Variants in LINGO2 observed in about 807,000 individuals in gnomAD.
LINGO2 encodes the protein leucine rich repeat and Ig domain containing 2, also known as leucine-rich repeat and immunoglobulin-like domain-containing nogo receptor-interacting protein 2.
In LINGO2, 14 loss-of-function variants were observed where a neutral mutation model predicts 30.6. That is an observed-to-expected ratio of 0.46 (90% CI 0.30 to 0.72). LINGO2 has a LOEUF of 0.72. LINGO2 is among the 30% of genes least tolerant of loss of function. LINGO2 has a pLI of 0.07. For missense variants in LINGO2, 729 were observed against 751.7 expected, an observed-to-expected ratio of 0.97 and a Z score of 0.35; for synonymous variants, 317 against 288.5, an observed-to-expected ratio of 1.10 and a Z score of -1.00.
intron 4 of LINGO2, among the ~76,000 whole-genome samples, chr9:28,075,983 A>G (rs1457062064): frequency 6.6e-6 from 1 of 152,000 alleles, no homozygotes; most frequent in Non-Finnish European, 1.5e-5. Context: ...TTTCCCATAT[A>G]GATTAACAAT....
At chr9:28,640,936 T>C (rs1827544435) in intron 1 of LINGO2, among the ~76,000 whole-genome samples, 1 of 152,098 alleles carries the variant, frequency 6.6e-6, no homozygotes, top group Admixed American at 6.5e-5. Flanking sequence ...TCTGCTCTGT[T>C]TTTTCCCCAT....
At chr9:28,701,722 A>T in the LINGO2 span, among the ~76,000 whole-genome samples, 2 of 151,988 alleles carry the variant, frequency 1.3e-5, no homozygotes, top group Admixed American at 6.6e-5. Context: ...TCTATAAATC[A>T]AGTTGAAAAA....
At chr9:28,865,238 C>T in the LINGO2 span, among the ~76,000 whole-genome samples, 9 of 152,214 alleles carry the variant, frequency 5.9e-5, no homozygotes, top group Admixed American at 4.6e-4. Context: ...AAGTGAGCAT[C>T]ACCAGATCAG....
intron 4 of LINGO2, among the ~76,000 whole-genome samples, chr9:28,197,473 G>A (rs913368790): frequency 6.6e-6 from 1 of 151,830 alleles, no homozygotes; most frequent in Non-Finnish European, 1.5e-5. Context: ...ACTAGGGAAG[G>A]CATAAATTGC....
intron 1 of LINGO2, among the ~76,000 whole-genome samples, chr9:28,523,976 A>C (rs1564265106): frequency 6.6e-6 from 1 of 152,060 alleles, no homozygotes; most frequent in Non-Finnish European, 1.5e-5. Context: ...ACCAAAAACA[A>C]TCTTGAAAAT....
At chr9:28,911,307 T>C in the LINGO2 span, among the ~76,000 whole-genome samples, 1 of 145,962 alleles carries the variant, frequency 6.9e-6, no homozygotes, top group Non-Finnish European at 1.5e-5. Context: ...TAGAAAAATT[T>C]TTCTATAAAT....
At chr9:28,845,823 C>T in the LINGO2 span, among the ~76,000 whole-genome samples, 4 of 151,490 alleles carry the variant, frequency 2.6e-5, no homozygotes, top group South Asian at 8.3e-4. Context: ...TTTATTAATA[C>T]TGAAAACAAT....
intron 1 of LINGO2, among the ~76,000 whole-genome samples, chr9:28,595,576 T>C (rs1210345483): frequency 6.6e-6 from 1 of 152,120 alleles, no homozygotes; most frequent in African/African-American, 2.4e-5. Context: ...GTTATACTAT[T>C]ATACCAATAG....
chr9:29,103,973 G>A, the LINGO2 span, among the ~76,000 whole-genome samples: 2 of 152,150 alleles, frequency 1.3e-5, no homozygotes, highest in South Asian at 4.1e-4. Context: ...TTGGACAAGA[G>A]CAGCTAACCA....
intron 4 of LINGO2, among the ~76,000 whole-genome samples, chr9:28,018,007 G>C (rs1036982427): frequency 3.3e-5 from 5 of 152,102 alleles, no homozygotes; most frequent in South Asian, 2.1e-4. Context: ...AACAGAAACA[G>C]ACCCATAGAC....
chr9:29,102,510 G>C, the LINGO2 span, among the ~76,000 whole-genome samples: 1 of 152,198 alleles, frequency 6.6e-6, no homozygotes, highest in Non-Finnish European at 1.5e-5. Context: ...TCAAGAATTT[G>C]TATTCCTTCA....
At chr9:28,187,101 T>C in intron 4 of LINGO2, among the ~76,000 whole-genome samples, 1 of 152,090 alleles carries the variant, frequency 6.6e-6, no homozygotes, top group East Asian at 1.9e-4. Flanking sequence ...TAAGTGATGC[T>C]GGCTGAAATC....
chr9:28,703,607 G>A, the LINGO2 span, among the ~76,000 whole-genome samples: 1 of 151,288 alleles, frequency 6.6e-6, no homozygotes, highest in African/African-American at 2.4e-5. Context: ...TCAATTACAA[G>A]TGATTAATTA....
chr9:28,340,692 T>C (rs1485149704), intron 3 of LINGO2, among the ~76,000 whole-genome samples: 1 of 152,254 alleles, frequency 6.6e-6, no homozygotes, highest in South Asian at 2.1e-4. Context: ...AATTTCTTAG[T>C]AGTGCAAAGC....
intron 3 of LINGO2, among the ~76,000 whole-genome samples, chr9:28,314,087 A>ACCT (rs1273162289): frequency 6.6e-6 from 1 of 151,418 alleles, no homozygotes; most frequent in African/African-American, 2.4e-5. Context: ...GGCGCCCACC[A>ACCT]CCTCGCCCGG....
chr9:29,192,196 T>C, the LINGO2 span, among the ~76,000 whole-genome samples: 1 of 152,212 alleles, frequency 6.6e-6, no homozygotes, highest in African/African-American at 2.4e-5. Flanking sequence ...GATTTCAGTT[T>C]AATTACTTGA....
At chr9:28,672,406 A>G (rs1479432760), upstream of LINGO2, among the ~76,000 whole-genome samples, 1 of 152,076 alleles carries the variant, frequency 6.6e-6, no homozygotes, top group Non-Finnish European at 1.5e-5. Context: ...AACAACTCTA[A>G]CTCTATTGGA....
chr9:28,480,004 T>TCAACCAC (rs1346279564), intron 1 of LINGO2, among the ~76,000 whole-genome samples: 2 of 145,128 alleles, frequency 1.4e-5, no homozygotes, highest in Non-Finnish European at 3.0e-5. Context: ...AAGCAAAATT[T>TCAACCAC]CAACCACCAT....
chr9:28,038,176 A>G (rs1563933580), intron 4 of LINGO2, among the ~76,000 whole-genome samples: 1 of 152,168 alleles, frequency 6.6e-6, no homozygotes, highest in Non-Finnish European at 1.5e-5. Flanking sequence ...AAGCAACCCA[A>G]CATTTGTAAT....
Sources: gnomAD v4.1 joint callset for allele counts (sites outside exome capture counted in the v4.1 genomes callset) on GRCh38, gnomAD v4.1.1 for gene constraint, MANE v1.5 for transcripts, NCBI Gene and HGNC (gene_info 2026-07-23, HGNC 2026-07-21) for gene names.